UBE3C: variants seen among roughly 807,000 people sequenced by gnomAD.
UBE3C encodes ubiquitin-protein ligase E3C.
Under a neutral mutation model 129.4 loss-of-function variants are expected in UBE3C, and 42 were observed. The ratio of observed to expected loss-of-function variants is 0.32; its 90% CI spans 0.25 to 0.42. The LOEUF is 0.42. Ranked by LOEUF, UBE3C falls within the 10% of genes least tolerant of loss-of-function variation. The pLI is 1.00. For synonymous variants in UBE3C, 510 were observed against 492.4 expected, an observed-to-expected ratio of 1.04 and a Z score of -0.47; for missense variants, 1,049 against 1,319.1, an observed-to-expected ratio of 0.80 and a Z score of 3.17.
chr7:157,228,786 G>T (rs1021224511), intron 17 of UBE3C, among the ~76,000 whole-genome samples: 1 of 152,208 alleles, frequency 6.6e-6, no homozygotes, highest in Non-Finnish European at 1.5e-5. Context: ...TTTCTGTGTG[G>T]TGGCTGTAAG....
chr7:157,264,868 G>A (rs1257411637), intron 22 of UBE3C, among the ~76,000 whole-genome samples: 1 of 152,072 alleles, frequency 6.6e-6, no homozygotes, highest in African/African-American at 2.4e-5. Context: ...CACTGCTCCT[G>A]GTCACGTAAT....
chr7:157,173,577 T>C (rs1808438172), intron 4 of UBE3C, among the ~76,000 whole-genome samples: 1 of 152,216 alleles, frequency 6.6e-6, no homozygotes, highest in Non-Finnish European at 1.5e-5. Flanking sequence ...TCTTACGACT[T>C]TAAGTCAAAT....
At chr7:157,235,116 G>A (rs1796121529) in intron 18 of UBE3C, among the ~76,000 whole-genome samples, 1 of 152,092 alleles carries the variant, frequency 6.6e-6, no homozygotes, top group East Asian at 1.9e-4. Context: ...GCTTGAACCT[G>A]GAGGCGGAGG....
chr7:157,203,164 A>G (rs1255813826), intron 11 of UBE3C, among the ~76,000 whole-genome samples: 2 of 152,212 alleles, frequency 1.3e-5, no homozygotes, highest in East Asian at 3.9e-4. Flanking sequence ...GGGGAATGTC[A>G]GTTTCTCAAT....
At chr7:157,263,516 T>A (rs1212076540) in intron 22 of UBE3C, among the ~76,000 whole-genome samples, 1 of 151,958 alleles carries the variant, frequency 6.6e-6, no homozygotes, top group Non-Finnish European at 1.5e-5. Flanking sequence ...ATACAAAAAT[T>A]AGCTAGGTGT....
At chr7:157,139,411 C>G (rs59178327) in intron 1 of UBE3C, 73 bp downstream of exon 1, 4 of 733,138 alleles carry the variant, frequency 5.5e-6, no homozygotes, top group East Asian at 8.1e-5. Context: ...GGACTCGGGG[C>G]TGGACTCGGG....
At chr7:157,232,209 A>AT (rs1450793878) in intron 18 of UBE3C, among the ~76,000 whole-genome samples, 1 of 152,074 alleles carries the variant, frequency 6.6e-6, no homozygotes, top group African/African-American at 2.4e-5. Flanking sequence ...GTGTAACTTC[A>AT]TCTTAATTTG....
chr7:157,220,622 A>G (rs191531752), intron 14 of UBE3C, 67 bp from the exon 15 acceptor site: 8 of 1,584,826 alleles, frequency 5.0e-6, no homozygotes, highest in African/African-American at 2.7e-5. Flanking sequence ...AATTCTGTTC[A>G]AGTGTGATCA....
At chr7:157,148,731 CTTTTTTT>C (rs58138213) in intron 1 of UBE3C, among the ~76,000 whole-genome samples, 3 of 131,792 alleles carry the variant, frequency 2.3e-5, no homozygotes, top group East Asian at 2.2e-4. Context: ...CAAATTAGTT[CTTTTTTT>C]TTTTTTTTTT....
chr7:157,185,432 A>G (rs1808779366), intron 9 of UBE3C, among the ~76,000 whole-genome samples: 1 of 151,988 alleles, frequency 6.6e-6, no homozygotes, highest in Admixed American at 6.5e-5. Context: ...TTATACTTTA[A>G]TTTTCCTTTT....
At chr7:157,234,286 T>G (rs559984008) in intron 18 of UBE3C, among the ~76,000 whole-genome samples, 14 of 152,270 alleles carry the variant, frequency 9.2e-5, no homozygotes, top group African/African-American at 1.9e-4. Context: ...TATGTTCTTC[T>G]GACGGTGTTG....
intron 13 of UBE3C, 53 bp downstream of exon 13, chr7:157,207,988 TTTGTC>T (rs1363287340): frequency 1.8e-5 from 23 of 1,280,952 alleles, no homozygotes; most frequent in Non-Finnish European, 2.1e-5. Flanking sequence ...TGTACAAACT[TTTGTC>T]TTGACTCGTT....
intron 11 of UBE3C, among the ~76,000 whole-genome samples, chr7:157,203,985 A>G (rs962368974): frequency 6.6e-6 from 1 of 152,244 alleles, no homozygotes; most frequent in Admixed American, 6.5e-5. Flanking sequence ...ATCAAACACT[A>G]GGCCAATTTT....
chr7:157,262,450 G>A (rs372172262), intron 22 of UBE3C, among the ~76,000 whole-genome samples: 7 of 91,648 alleles, frequency 7.6e-5, no homozygotes, highest in Admixed American at 3.8e-4. Context: ...ATAGAGTTTC[G>A]CTCCTGTTGC....
chr7:157,191,845 GA>G (rs897607250), intron 10 of UBE3C, among the ~76,000 whole-genome samples: 4 of 151,928 alleles, frequency 2.6e-5, no homozygotes, highest in African/African-American at 7.3e-5. Context: ...TAATATTTTG[GA>G]AAAAATATTG....
chr7:157,257,169 T>C, intron 22 of UBE3C, 125 bp downstream of exon 22: 1 of 1,318,732 alleles, frequency 7.6e-7, no homozygotes, highest in Non-Finnish European at 1.0e-6. Flanking sequence ...GCTAGATTTT[T>C]AATTAAGTAC....
chr7:157,248,692 A>G (rs890310989), intron 19 of UBE3C, 112 bp downstream of exon 19: 1 of 1,196,722 alleles, frequency 8.4e-7, no homozygotes. Flanking sequence ...TTTAGTTAGA[A>G]TGACTGTGGC....
chr7:157,199,432 A>G (rs1057260143), intron 10 of UBE3C, among the ~76,000 whole-genome samples: 2 of 151,928 alleles, frequency 1.3e-5, no homozygotes, highest in Non-Finnish European at 1.5e-5. Flanking sequence ...TTTCAACAGT[A>G]TAGTCTTTTT....
intron 19 of UBE3C, among the ~76,000 whole-genome samples, chr7:157,253,189 A>G (rs919613891): frequency 3.2e-4 from 49 of 152,238 alleles, no homozygotes; most frequent in African/African-American, 1.2e-3. Context: ...ATTCCAAGTC[A>G]GACAAACAAA....
Sources: allele counts gnomAD v4.1 joint callset (sites outside exome capture counted in the v4.1 genomes callset), GRCh38; gene constraint gnomAD v4.1.1; transcripts MANE v1.5; gene names NCBI Gene and HGNC (gene_info 2026-07-23, HGNC 2026-07-21).